Variants in ABCC6 observed in about 807,000 individuals in gnomAD.
ABCC6 encodes the protein ATP-binding cassette sub-family C member 6.
ABCC6 carries 126 observed loss-of-function variants against 169.5 expected under a neutral mutation model. The ratio of observed to expected loss-of-function variants is 0.74; its 90% confidence interval spans 0.64 to 0.86. ABCC6 has a LOEUF of 0.86. ABCC6 is among the 40% of genes least tolerant of loss of function. ABCC6 has a pLI of 0.00. For synonymous variants in ABCC6, 752 were observed against 814.7 expected (o/e 0.92, Z 1.31); for missense variants, 1,733 against 1,927.2 (o/e 0.90, Z 1.89).
In ABCC6 at chr16:16,152,461, A is replaced by C. The variant is rs933319091; in HGVS notation, c.4209-1689T>G. ...GCCTGGGTCTTGTCCCAACCTCACT[A>C]CTTTTAAGCTGTGTGACGTCAGGCA... On this transcript the variant is annotated intron_variant, in intron 29 of 30. Transcript: ENST00000205557. Among the ~76,000 whole-genome samples the C allele has an allele frequency of 3.3e-5, 5 of 151,956 alleles. 1 individual carries two copies. In the East Asian group the frequency reaches 9.7e-4, roughly 29 times the overall value.
chr16:16,183,354 C>G (rs767012883), intron 15 of ABCC6, among the ~76,000 whole-genome samples: 1 of 152,146 alleles, frequency 6.6e-6, no homozygotes, highest in South Asian at 2.1e-4. Context: ...TTGGCTCTTG[C>G]GATAAATAGG....
intron 27 of ABCC6, among the ~76,000 whole-genome samples, chr16:16,156,688 C>T (rs2046561477): frequency 6.6e-6 from 1 of 152,064 alleles, no homozygotes; most frequent in Non-Finnish European, 1.5e-5. Context: ...TGGGTCATGC[C>T]TGTAGTCCCA....
At chr16:16,198,295 G>A (rs1302063016) in intron 9 of ABCC6, 113 bp from the exon 10 acceptor site, 20 of 1,221,430 alleles carry the variant, frequency 1.6e-5, no homozygotes, top group Non-Finnish European at 2.3e-5. Flanking sequence ...AGGTGGGTGA[G>A]TAAAGTCTCT....
intron 14 of ABCC6, 104 bp downstream of exon 14, chr16:16,187,020 C>T (rs558552398): frequency 1.8e-4 from 176 of 993,320 alleles, no homozygotes; most frequent in Non-Finnish European, 3.4e-5. Flanking sequence ...TTGCCCGCAG[C>T]CCCCATCTCC....
chr16:16,185,810 A>C (rs2047639858), intron 14 of ABCC6, among the ~76,000 whole-genome samples: 1 of 152,090 alleles, frequency 6.6e-6, no homozygotes, highest in Non-Finnish European at 1.5e-5. Flanking sequence ...ACTACTACTA[A>C]TTATTATTAT....
At chr16:16,175,575 A>G (rs1051833397) in intron 20 of ABCC6, among the ~76,000 whole-genome samples, 1 of 152,164 alleles carries the variant, frequency 6.6e-6, no homozygotes, top group African/African-American at 2.4e-5. Flanking sequence ...CAGGCCTGGC[A>G]TGGTGGTTTA....
Position 16,165,767 on chromosome 16 carries a change from C to A in ABCC6, c.3162G>T (p.Thr1054=), listed in dbSNP as rs374140753. ...LLNRFSKETD[T]VDVDIPDKLR... is the part of the protein sequence containing the mutation. ...GTTTGTCTGGAATGTCCACGTCAAC[C>A]GTGTCTGTCTCCTTGGAGAAGCGGT... is the stretch of plus-strand genomic sequence containing the variant. The change falls in exon 23 of 31, where the codon ACG becomes ACT. Residue 1054 remains threonine, a synonymous_variant. Transcript: ENST00000205557. 9 of 1,613,808 alleles carry A rather than the reference C, an allele frequency of 5.6e-6. No homozygotes were observed. The African/African-American group carries it at 8.0e-5, about 14-fold the overall frequency.
In ABCC6 at chr16:16,182,479, T is replaced by C. The variant is rs775061021; in HGVS notation, c.2180A>G (p.Glu727Gly). Residue 727 changes from glutamate to glycine, a missense_variant, in exon 17 of 31, where the codon GAA (glutamate) becomes GGA (glycine). Transcript: ENST00000205557. ...CACATCTGGCTGCAGGGCACAGGCT[T>C]CTAGTACTCTCTCCAGCCAGGGTGG... ...LDPPWLERVLEACALQPDVDS... is the reference protein window; with the variant it reads ...LDPPWLERVLGACALQPDVDS... 1.2e-6 allele frequency: 2 copies of C among 1,614,134 alleles called. No individual in the cohort carries two copies. Among genetic ancestry groups the C allele is most frequent in the South Asian group, 2.2e-5 (2 of 91,082 alleles).
chr16:16,154,800 G>A lies in ABCC6; in HGVS notation c.4042-6C>T, dbSNP rs777894623. 1.3e-5 allele frequency: 21 copies of A among 1,609,744 alleles called. No individual in the cohort carries two copies. Among genetic ancestry groups the A allele is most frequent in the South Asian group, 2.2e-5 (2 of 90,396 alleles). ...CCAGGGAACAGGATGGGGTCCTGGCGGGGAGGGGCGGTGGGTCAGAGCCGG... is the reference window on the plus strand; with the variant it reads ...CCAGGGAACAGGATGGGGTCCTGGCAGGGAGGGGCGGTGGGTCAGAGCCGG... On this transcript the variant is annotated splice_region_variant and splice_polypyrimidine_tract_variant and intron_variant, in intron 28 of 30. Coordinates refer to ENST00000205557, the MANE Select transcript of ABCC6 (RefSeq NM_001171.6).
chr16:16,168,265 A>C (rs2046942183), intron 22 of ABCC6, among the ~76,000 whole-genome samples: 1 of 152,284 alleles, frequency 6.6e-6, no homozygotes, highest in Admixed American at 6.5e-5. Flanking sequence ...GTTGAGGCGG[A>C]GGATTGCCTG....
chr16:16,153,037 T>A (rs546214308), intron 29 of ABCC6, among the ~76,000 whole-genome samples: 2 of 152,190 alleles, frequency 1.3e-5, no homozygotes, highest in Admixed American at 1.3e-4. Context: ...CCCACGTAAC[T>A]GGGATTACAG....
chr16:16,165,762 T>C lies in ABCC6; in HGVS notation c.3167A>G (p.Asp1056Gly). Residue 1056 changes from aspartate to glycine, a missense_variant, in exon 23 of 31, where the codon GAC becomes GGC. Asp to Gly is a moderately conservative substitution (Grantham distance 94). Coordinates refer to ENST00000205557, the MANE Select transcript of ABCC6 (RefSeq NM_001171.6). ...CCGGAGTTTGTCTGGAATGTCCACGTCAACCGTGTCTGTCTCCTTGGAGAA... is the reference window on the plus strand; with the variant it reads ...CCGGAGTTTGTCTGGAATGTCCACGCCAACCGTGTCTGTCTCCTTGGAGAA... Reference protein sequence around the residue: ...NRFSKETDTVDVDIPDKLRSL... With the variant: ...NRFSKETDTVGVDIPDKLRSL... The C allele has an allele frequency of 6.2e-7, 1 of 1,613,796 alleles. No individual in the cohort carries two copies.
In ABCC6 at chr16:16,182,390, A is replaced by C. The variant is rs72664298; in HGVS notation, c.2247+22T>G. 686 of 1,612,972 alleles carry C rather than the reference A, an allele frequency of 4.3e-4. 8 individuals carry two copies. Among genetic ancestry groups the C allele is most frequent in the South Asian group, 3.9e-3 (356 of 91,008 alleles). ...CCCAACTGCAATGTCTCCCTGTCCC[A>C]AAAAGACCCCCAAACTCTCACCTGC... On this transcript the variant is annotated intron_variant, in intron 17 of 30. Coordinates refer to ENST00000205557, the MANE Select transcript of ABCC6 (RefSeq NM_001171.6).
chr16:16,155,303 C>T, intron 27 of ABCC6: 2 of 572,016 alleles, frequency 3.5e-6, no homozygotes, highest in Non-Finnish European at 6.3e-6. Flanking sequence ...CATCTTTCCT[C>T]ATCCTTCTAT....
At chr16:16,219,252 T>C (rs1403779629) in intron 4 of ABCC6, among the ~76,000 whole-genome samples, 3 of 148,914 alleles carry the variant, frequency 2.0e-5, no homozygotes, top group Non-Finnish European at 3.0e-5. Flanking sequence ...GTTGTGTGTG[T>C]GTGCGTGCAT....
intron 17 of ABCC6, among the ~76,000 whole-genome samples, chr16:16,180,991 T>C (rs2047448983): frequency 6.6e-6 from 1 of 151,996 alleles, no homozygotes; most frequent in African/African-American, 2.4e-5. Context: ...AGGTGGAAAG[T>C]GCTATGAAGA....
chr16:16,150,810 T>A, intron 29 of ABCC6, 38 bp from the exon 30 acceptor site: 1 of 1,603,352 alleles, frequency 6.2e-7, no homozygotes. Flanking sequence ...GACGTGCGTT[T>A]GTCGGCACAT....
At chr16:16,164,797 T>C (rs1192594886) in intron 23 of ABCC6, among the ~76,000 whole-genome samples, 2 of 152,200 alleles carry the variant, frequency 1.3e-5, no homozygotes, top group African/African-American at 4.8e-5. Flanking sequence ...CCTAAGAATG[T>C]ACTTTGCTAA....
At chr16:16,158,083 T>C (rs2046608319) in intron 26 of ABCC6, among the ~76,000 whole-genome samples, 1 of 152,206 alleles carries the variant, frequency 6.6e-6, no homozygotes, top group Non-Finnish European at 1.5e-5. Flanking sequence ...CAGACATTTC[T>C]CTTTGTCTTT....
Sources: allele counts gnomAD v4.1 joint callset (sites outside exome capture counted in the v4.1 genomes callset), GRCh38; gene constraint gnomAD v4.1.1; transcripts MANE v1.5; gene names NCBI Gene and HGNC (gene_info 2026-07-23, HGNC 2026-07-21).